Variants in PTPRD observed in about 807,000 individuals in gnomAD.
The protein encoded by PTPRD is receptor-type tyrosine-protein phosphatase delta.
A neutral mutation model predicts 214.5 loss-of-function variants in PTPRD; 34 were observed. The observed-to-expected ratio is 0.16, with a 90% CI of 0.12 to 0.21. PTPRD has a LOEUF of 0.21. Among genes scored for constraint, PTPRD ranks in the 10% least tolerant of loss-of-function variants. The pLI, the probability that PTPRD is intolerant of heterozygous loss-of-function variation, is 1.00. For missense variants in PTPRD, 2,545 were observed against 2,398.7 expected, an observed-to-expected ratio of 1.06 and a Z score of -1.27; for synonymous variants, 1,128 against 845.7, an observed-to-expected ratio of 1.33 and a Z score of -5.79.
rs745584700 is a variant in PTPRD, at chr9:8,485,983, G to A, written c.2834C>T (p.Ala945Val). The change falls in exon 28 of 46, where the codon GCA becomes GTA. Residue 945 changes from alanine (A) to valine (V), a missense_variant. Transcript: ENST00000381196. ...CTTGGTGATAATGCCATTTCTCTCT[G>A]CCAGGACAGGTGGTTGCCAAGATAA... ...VQLSWQPPVL[A>V]ERNGIITKYT... is the part of the protein sequence containing the mutation. 1.2e-4 allele frequency: 192 copies of A among 1,614,040 alleles called. No individual in the cohort carries two copies. Among genetic ancestry groups the A allele is most frequent in the Non-Finnish European group, 1.6e-4 (186 of 1,180,036 alleles).
chr9:8,604,286 A>G (rs1288702174), intron 14 of PTPRD, among the ~76,000 whole-genome samples: 1 of 152,202 alleles, frequency 6.6e-6, no homozygotes, highest in Non-Finnish European at 1.5e-5. Flanking sequence ...GGACCATTAG[A>G]TCTCAGAAAA....
chr9:9,553,051 C>A (rs1268751794), intron 8 of PTPRD, among the ~76,000 whole-genome samples: 1 of 151,966 alleles, frequency 6.6e-6, no homozygotes, highest in Non-Finnish European at 1.5e-5. Flanking sequence ...ATAATTTATT[C>A]AATTTCTTTT....
intron 7 of PTPRD, among the ~76,000 whole-genome samples, chr9:9,643,766 T>C (rs148406427): frequency 1.3e-5 from 2 of 152,332 alleles, no homozygotes; most frequent in East Asian, 3.9e-4. Context: ...TCTTAGATAA[T>C]AGTTCCTTCT....
Position 9,971,427 on chromosome 9 carries a change from T to C in PTPRD, c.-471-32817A>G, listed in dbSNP as rs114699166. On this transcript the variant is annotated intron_variant, in intron 4 of 45. Transcript: ENST00000381196. Reference sequence around the variant, plus strand: ...TTTTGAAGGTAGAAGATTATTTTAATTTTATATTAAAATTAGCTTGAAAGC... The same window carrying C: ...TTTTGAAGGTAGAAGATTATTTTAACTTTATATTAAAATTAGCTTGAAAGC... 2.8e-3 allele frequency among the ~76,000 whole-genome samples: 425 copies of C among 152,258 alleles called. 1 individual carries two copies. The highest frequency in any genetic ancestry group is 9.8e-3 in the African/African-American group (407 of 41,544).
At chr9:9,420,833 A>G (rs2078535565) in intron 8 of PTPRD, among the ~76,000 whole-genome samples, 1 of 151,994 alleles carries the variant, frequency 6.6e-6, no homozygotes, top group Non-Finnish European at 1.5e-5. Flanking sequence ...GATTTCACTT[A>G]TGTATCTATA....
intron 4 of PTPRD, among the ~76,000 whole-genome samples, chr9:9,970,429 CAAAA>C (rs35445219): frequency 1.1e-5 from 1 of 92,166 alleles, no homozygotes; most frequent in Non-Finnish European, 2.4e-5. Flanking sequence ...GACTCCTTCT[CAAAA>C]AAAAAAAAAA....
chr9:8,987,306 T>A (rs951299269), intron 11 of PTPRD, among the ~76,000 whole-genome samples: 2 of 152,074 alleles, frequency 1.3e-5, no homozygotes, highest in Non-Finnish European at 2.9e-5. Flanking sequence ...AGAATGAACC[T>A]CATTAGGGTT....
chr9:8,872,246 T>C (rs971571263), intron 11 of PTPRD, among the ~76,000 whole-genome samples: 2 of 152,134 alleles, frequency 1.3e-5, no homozygotes, highest in Admixed American at 1.3e-4. Flanking sequence ...AAGGAGCCTG[T>C]AGAGTGAGTG....
chr9:10,367,429 C>A (rs552124828), intron 2 of PTPRD, among the ~76,000 whole-genome samples: 2 of 152,138 alleles, frequency 1.3e-5, no homozygotes, highest in South Asian at 4.2e-4. Context: ...ACTGTGTTAC[C>A]GTTTGAGCCA....
intron 2 of PTPRD, among the ~76,000 whole-genome samples, chr9:10,502,070 G>A (rs557034469): frequency 6.6e-6 from 1 of 151,858 alleles, no homozygotes; most frequent in Non-Finnish European, 1.5e-5. Context: ...TAAGAAAATA[G>A]TGTGCTATTG....
intron 11 of PTPRD, among the ~76,000 whole-genome samples, chr9:8,858,708 G>C (rs2098015872): frequency 6.6e-6 from 1 of 151,080 alleles, no homozygotes; most frequent in Non-Finnish European, 1.5e-5. Context: ...GCCCGCTGGC[G>C]AATCCCTGAA....
chr9:8,905,952 T>C (rs1402910980), intron 11 of PTPRD, among the ~76,000 whole-genome samples: 1 of 152,160 alleles, frequency 6.6e-6, no homozygotes, highest in African/African-American at 2.4e-5. Flanking sequence ...CCAGCTTCAT[T>C]TGGAATGCCA....
At chr9:9,092,196 G>A (rs1030039517) in intron 10 of PTPRD, among the ~76,000 whole-genome samples, 3 of 152,084 alleles carry the variant, frequency 2.0e-5, no homozygotes, top group African/African-American at 7.2e-5. Context: ...ATTTTCAAAT[G>A]TTAAACATAT....
chr9:10,186,040 C>G (rs1420100713), intron 3 of PTPRD, among the ~76,000 whole-genome samples: 2 of 151,914 alleles, frequency 1.3e-5, no homozygotes, highest in East Asian at 3.9e-4. Flanking sequence ...ACTTGTATAC[C>G]AGAACATGCA....
rs367865244 is a variant in PTPRD at position 8,586,209 on chromosome 9, A to T, written c.352+47108T>A. ...CAGCTACTTCGGAGGTTGAGGCAGG[A>T]GAATTGCTAGAACCCGGGAGGTGGA... On this transcript the variant is annotated intron_variant, in intron 14 of 45. Coordinates refer to ENST00000381196, the MANE Select transcript of PTPRD (RefSeq NM_002839.4). Among the ~76,000 whole-genome samples the T allele has an allele frequency of 4.3e-5, 6 of 140,992 alleles. No individual in the cohort carries two copies. The East Asian group carries it at 1.2e-3, about 27-fold the overall frequency. The allele number at this position is 140,992 out of a possible 152,430, so 92.5% of individuals were successfully genotyped here. A position where few individuals can be genotyped will look rare whatever the true frequency, so the allele number is the denominator to read the frequency against.
chr9:9,704,009 A>G (rs1215792976), intron 7 of PTPRD, among the ~76,000 whole-genome samples: 1 of 152,280 alleles, frequency 6.6e-6, no homozygotes, highest in African/African-American at 2.4e-5. Context: ...CAGCCTCCCA[A>G]GTAGCTGGGA....
intron 11 of PTPRD, among the ~76,000 whole-genome samples, chr9:8,887,361 T>C (rs2098500032): frequency 6.6e-6 from 1 of 152,188 alleles, no homozygotes; most frequent in Admixed American, 6.6e-5. Flanking sequence ...AGATGCTGGC[T>C]CCTGCACATA....
intron 11 of PTPRD, among the ~76,000 whole-genome samples, chr9:8,855,867 C>A (rs567677783): frequency 6.6e-6 from 1 of 152,320 alleles, no homozygotes; most frequent in South Asian, 2.1e-4. Flanking sequence ...TGGACACAAT[C>A]TGACAGCTGA....
At chr9:9,934,001 G>A (rs1036409874) in intron 5 of PTPRD, among the ~76,000 whole-genome samples, 2 of 147,400 alleles carry the variant, frequency 1.4e-5, no homozygotes, top group African/African-American at 5.3e-5. Flanking sequence ...TGAAATGAAG[G>A]CAGAAATAAA....
Sources: allele counts gnomAD v4.1 joint callset (sites outside exome capture counted in the v4.1 genomes callset), GRCh38; gene constraint gnomAD v4.1.1; transcripts MANE v1.5; gene names NCBI Gene and HGNC (gene_info 2026-07-23, HGNC 2026-07-21).